The following PXT1 variants were observed in gnomAD, a reference collection of about 807,000 sequenced individuals.
PXT1 encodes peroxisomal testis-specific protein 1.
PXT1 carries 11 observed loss-of-function variants against 11.0 expected under a neutral mutation model. The ratio of observed to expected loss-of-function variants is 1.00; its 90% confidence interval spans 0.63 to 1.66. The LOEUF (loss-of-function observed/expected upper bound fraction) is 1.66, where lower values mean the gene tolerates loss of function less well. PXT1 is among the 40% of genes most tolerant of loss of function. The probability of loss-of-function intolerance (pLI) is 0.00; values close to 1 mark genes in which losing one functional copy is unlikely to be tolerated. For synonymous variants in PXT1, 43 were observed against 51.4 expected (o/e 0.84, Z 0.70); for missense variants, 141 against 155.5 (o/e 0.91, Z 0.49).
chr6:36,413,896 G>T (rs1447321191), intron 3 of PXT1, among the ~76,000 whole-genome samples: 4 of 152,204 alleles, frequency 2.6e-5, no homozygotes. Context: ...ATACTCAAGA[G>T]GCTGAGGCAG....
At chr6:36,414,866 G>A (rs907634608) in intron 3 of PXT1, among the ~76,000 whole-genome samples, 4 of 152,164 alleles carry the variant, frequency 2.6e-5, no homozygotes, top group Admixed American at 6.6e-5. Context: ...TCTTCTTTTA[G>A]TTGGGGAAAG....
intron 4 of PXT1, among the ~76,000 whole-genome samples, chr6:36,399,617 C>G (rs1296583686): frequency 1.3e-5 from 2 of 152,118 alleles, no homozygotes; most frequent in African/African-American, 4.8e-5. Context: ...GGAAGCTGCA[C>G]CAAGAAAGCT....
intron 3 of PXT1, among the ~76,000 whole-genome samples, chr6:36,401,382 C>T (rs1475242141): frequency 9.2e-5 from 14 of 151,926 alleles, no homozygotes; most frequent in Admixed American, 9.2e-4. Flanking sequence ...ATCTATAATC[C>T]CAAAACTTTG....
intron 1 of PXT1, among the ~76,000 whole-genome samples, chr6:36,442,059 AT>A (rs1239539822): frequency 6.7e-6 from 1 of 149,866 alleles, no homozygotes; most frequent in African/African-American, 2.4e-5. Context: ...TTTAATTAGT[AT>A]ATATAGACAT....
intron 4 of PXT1, among the ~76,000 whole-genome samples, chr6:36,392,914 A>G (rs1236198471): frequency 6.6e-6 from 1 of 151,806 alleles, no homozygotes; most frequent in Admixed American, 6.6e-5. Context: ...TTAGAAAAAA[A>G]GTCCTTGCAG....
intron 1 of PXT1, among the ~76,000 whole-genome samples, chr6:36,442,079 A>ATG (rs980721469): frequency 6.6e-6 from 1 of 152,092 alleles, no homozygotes; most frequent in Admixed American, 6.6e-5. Context: ...ATATATATAT[A>ATG]TATTTGAGAG....
intron 3 of PXT1, among the ~76,000 whole-genome samples, chr6:36,413,277 T>TGTG (rs1179440472): frequency 6.6e-6 from 1 of 151,676 alleles, no homozygotes; most frequent in African/African-American, 2.4e-5. Flanking sequence ...ATTAGCTGGG[T>TGTG]GTGGTGGTGG....
chr6:36,396,873 C>T (rs1774151348), intron 4 of PXT1, among the ~76,000 whole-genome samples: 1 of 152,138 alleles, frequency 6.6e-6, no homozygotes, highest in African/African-American at 2.4e-5. Flanking sequence ...ACTGCCCTCT[C>T]TGCTAAGAGC....
rs371852205 is a variant in PXT1, at chr6:36,392,638, G to A, written c.301-764C>T. On this transcript the variant is annotated intron_variant, in intron 4 of 4. Transcript: ENST00000454782. ...ATTGTGCCACAGCACTCCAGCCTGG[G>A]CAACAGAGGGAGATCCTGTCTCAAT... 5.8e-4 allele frequency among the ~76,000 whole-genome samples: 89 copies of A among 152,286 alleles called. No homozygotes were observed. The South Asian group carries it at 0.017, about 28-fold the overall frequency.
At chr6:36,431,140 C>A (rs189737573) in intron 2 of PXT1, among the ~76,000 whole-genome samples, 4 of 152,038 alleles carry the variant, frequency 2.6e-5, no homozygotes, top group Non-Finnish European at 5.9e-5. Context: ...TAAAAGTGTT[C>A]ATTGTAAGAT....
At chr6:36,407,426 A>T (rs1774306909) in intron 3 of PXT1, among the ~76,000 whole-genome samples, 2 of 152,220 alleles carry the variant, frequency 1.3e-5, no homozygotes, top group Admixed American at 6.5e-5. Flanking sequence ...AAGTATTAAA[A>T]TTTTAATATC....
chr6:36,434,348 T>A (rs1395244318), intron 2 of PXT1, among the ~76,000 whole-genome samples: 1 of 152,202 alleles, frequency 6.6e-6, no homozygotes, highest in Non-Finnish European at 1.5e-5. Context: ...TTATTGCATC[T>A]AAGTAATGGG....
chr6:36,414,041 T>C (rs1051608616), intron 3 of PXT1, among the ~76,000 whole-genome samples: 13 of 152,206 alleles, frequency 8.5e-5, no homozygotes, highest in African/African-American at 3.1e-4. Context: ...GAGCGTTTAA[T>C]GAAGACATTT....
chr6:36,413,009 A>G (rs1172273808), intron 3 of PXT1, among the ~76,000 whole-genome samples: 2 of 152,216 alleles, frequency 1.3e-5, no homozygotes, highest in African/African-American at 2.4e-5. Context: ...ACAGAGAAAC[A>G]ATATGAAAGG....
rs1390395658 is a variant in PXT1 at position 36,391,849 on chromosome 6, G to GCAT, written c.323_325dup (p.Asp108dup). 2.2e-5 allele frequency: 36 copies of GCAT among 1,612,018 alleles called. No homozygotes were observed. The highest frequency in any genetic ancestry group is 2.5e-5 in the Non-Finnish European group (30 of 1,179,024). On this transcript the variant is annotated inframe_insertion, in exon 5 of 5. Coordinates refer to ENST00000454782, the MANE Select transcript of PXT1 (RefSeq NM_152990.4). ...GAAAAAGAAGACAAAATGATCTAGTGCATCTCTGCCATCCTGTTGAAGATC... is the reference window on the plus strand; with the variant it reads ...GAAAAAGAAGACAAAATGATCTAGTGCATCATCTCTGCCATCCTGTTGAAGATC...
chr6:36,391,786 T>C lies in PXT1; in HGVS notation c.389A>G (p.Asn130Ser), dbSNP rs755484666. 2.5e-6 allele frequency: 4 copies of C among 1,612,250 alleles called. No homozygotes were observed. The highest frequency in any genetic ancestry group is 3.4e-6 in the Non-Finnish European group (4 of 1,178,670). ...RVQVLLHFFWNNHLL is the reference protein window; with the variant it reads ...RVQVLLHFFWSNHLL ...ACTTTCCTTTTACAGCAAATGGTTG[T>C]TCCAGAAAAAATGCAGCAACACCTG... Residue 130 changes from asparagine (N) to serine (S), a missense_variant, in exon 5 of 5, where the codon AAC (asparagine) becomes AGC (serine). Transcript: ENST00000454782.
chr6:36,400,590 T>G lies in PXT1; in HGVS notation c.170-6A>C. 6.2e-7 allele frequency: 1 copy of G among 1,610,712 alleles called. No homozygotes were observed. Among genetic ancestry groups the G allele is most frequent in the Non-Finnish European group, 8.5e-7 (1 of 1,179,032 alleles). ...CTGAGAAAGTAGATTATGATCTGCATTGAGAAAAAAGAGTTCAAAAGAGAT... is the reference window on the plus strand; with the variant it reads ...CTGAGAAAGTAGATTATGATCTGCAGTGAGAAAAAAGAGTTCAAAAGAGAT... On this transcript the variant is annotated splice_polypyrimidine_tract_variant and splice_region_variant and intron_variant, in intron 3 of 4. Coordinates refer to ENST00000454782, the MANE Select transcript of PXT1 (RefSeq NM_152990.4).
chr6:36,396,670 G>A (rs1774148385), intron 4 of PXT1, among the ~76,000 whole-genome samples: 1 of 152,178 alleles, frequency 6.6e-6, no homozygotes, highest in Admixed American at 6.5e-5. Flanking sequence ...GCCCACCCAT[G>A]GCCACCCATC....
At chr6:36,432,123 TA>T (rs1774701753) in intron 2 of PXT1, among the ~76,000 whole-genome samples, 1 of 152,072 alleles carries the variant, frequency 6.6e-6, no homozygotes, top group Non-Finnish European at 1.5e-5. Flanking sequence ...ATAGATATAA[TA>T]TATCATGAGG....
Sources: gnomAD v4.1 joint callset for allele counts (sites outside exome capture counted in the v4.1 genomes callset) on GRCh38, gnomAD v4.1.1 for gene constraint, MANE v1.5 for transcripts, NCBI Gene and HGNC (gene_info 2026-07-23, HGNC 2026-07-21) for gene names.